The following NECTIN3 variants were observed in gnomAD, a reference collection of about 807,000 sequenced individuals.
NECTIN3 encodes nectin cell adhesion molecule 3, also known as nectin-3.
NECTIN3 carries 8 observed loss-of-function variants against 49.4 expected under a neutral mutation model. That is an observed-to-expected ratio of 0.16 (90% confidence interval 0.10 to 0.29). The LOEUF is 0.29. Among genes scored for constraint, NECTIN3 ranks in the 10% least tolerant of loss-of-function variants. The pLI is 1.00. For synonymous variants in NECTIN3, 277 were observed against 241.1 expected, an observed-to-expected ratio of 1.15 and a Z score of -1.38; for missense variants, 581 against 654.6, an observed-to-expected ratio of 0.89 and a Z score of 1.23.
intron 7 of NECTIN3, among the ~76,000 whole-genome samples, chr3:111,169,333 GC>G (rs1291572229): frequency 6.8e-6 from 1 of 146,300 alleles, no homozygotes; most frequent in Non-Finnish European, 1.5e-5. Context: ...CTCGTGATCT[GC>G]CCGTCTCAGC....
chr3:111,096,734 G>T (rs930124722), intron 1 of NECTIN3, among the ~76,000 whole-genome samples: 9 of 152,200 alleles, frequency 5.9e-5, no homozygotes, highest in Non-Finnish European at 1.3e-4. Context: ...GAAGCCCCAA[G>T]CCTTGGCAGC....
chr3:111,170,246 G>A (rs2035410372), intron 7 of NECTIN3, among the ~76,000 whole-genome samples: 1 of 152,142 alleles, frequency 6.6e-6, no homozygotes, highest in African/African-American at 2.4e-5. Context: ...TTAGGTTGGC[G>A]ATAAAAAGTT....
chr3:111,152,195 G>A (rs1181754879), intron 7 of NECTIN3, among the ~76,000 whole-genome samples: 1 of 151,754 alleles, frequency 6.6e-6, no homozygotes, highest in African/African-American at 2.4e-5. Flanking sequence ...GTAATGAATT[G>A]CCTGGTATAT....
At chr3:111,116,858 A>G (rs1318142688) in intron 2 of NECTIN3, among the ~76,000 whole-genome samples, 1 of 152,106 alleles carries the variant, frequency 6.6e-6, no homozygotes, top group East Asian at 1.9e-4. Context: ...CAGCTGGGTG[A>G]CAATATCAGC....
At chr3:111,120,851 A>T (rs1040765575) in intron 3 of NECTIN3, among the ~76,000 whole-genome samples, 4 of 152,016 alleles carry the variant, frequency 2.6e-5, no homozygotes, top group Non-Finnish European at 4.4e-5. Flanking sequence ...ATATTCTCTC[A>T]GCATCCTACT....
At chr3:111,147,740 A>T (rs969948815) in intron 7 of NECTIN3, among the ~76,000 whole-genome samples, 4 of 152,244 alleles carry the variant, frequency 2.6e-5, no homozygotes, top group African/African-American at 9.6e-5. Context: ...TGGCCAGTAT[A>T]GATAAGACAA....
intron 5 of NECTIN3, among the ~76,000 whole-genome samples, chr3:111,133,125 C>T (rs535193541): frequency 3.6e-4 from 55 of 151,744 alleles, no homozygotes; most frequent in Middle Eastern, 3.5e-3. Flanking sequence ...TTTAAAGATA[C>T]GCTCAGCTCT....
chr3:111,166,131 G>A (rs1421061498), intron 7 of NECTIN3, among the ~76,000 whole-genome samples: 3 of 152,178 alleles, frequency 2.0e-5, no homozygotes, highest in African/African-American at 7.2e-5. Context: ...CCAATTTAGA[G>A]TTGCAGTTTC....
intron 1 of NECTIN3, chr3:111,077,223 G>C (rs763603901): frequency 4.5e-6 from 2 of 442,890 alleles, no homozygotes; most frequent in Non-Finnish European, 9.1e-6. Flanking sequence ...CAAGACTATT[G>C]ACTGCCCACC....
chr3:111,156,383 T>TAA (rs1296259652), intron 7 of NECTIN3, among the ~76,000 whole-genome samples: 6 of 151,024 alleles, frequency 4.0e-5, no homozygotes, highest in Admixed American at 6.6e-5. Context: ...TTTAAATGTT[T>TAA]TTAAAGAGGC....
At chr3:111,101,176 A>G (rs776368014) in intron 1 of NECTIN3, among the ~76,000 whole-genome samples, 3 of 152,114 alleles carry the variant, frequency 2.0e-5, no homozygotes, top group Non-Finnish European at 4.4e-5. Flanking sequence ...ATATGAAGAA[A>G]TTGTGCTTTC....
intron 4 of NECTIN3, among the ~76,000 whole-genome samples, chr3:111,123,325 C>T (rs1165194138): frequency 6.6e-6 from 1 of 151,884 alleles, no homozygotes; most frequent in Non-Finnish European, 1.5e-5. Context: ...CCTCCAAGTT[C>T]TTTTATTTTT....
chr3:111,139,243 C>T (rs766640217), downstream of NECTIN3, among the ~76,000 whole-genome samples: 12 of 151,674 alleles, frequency 7.9e-5, no homozygotes, highest in Non-Finnish European at 1.6e-4. Context: ...AGTGAGCATT[C>T]AAATTTCTAA....
intron 1 of NECTIN3, among the ~76,000 whole-genome samples, chr3:111,076,558 A>G (rs918951591): frequency 1.3e-5 from 2 of 152,132 alleles, no homozygotes; most frequent in Non-Finnish European, 2.9e-5. Context: ...ATTACTTCAT[A>G]TATTTTTGTC....
chr3:111,145,673 T>A (rs2034856591), intron 6 of NECTIN3, among the ~76,000 whole-genome samples: 1 of 152,224 alleles, frequency 6.6e-6, no homozygotes, highest in Admixed American at 6.5e-5. Flanking sequence ...CTGAGAAATA[T>A]GAATAATGCT....
At chr3:111,072,684 C>T (rs2030870617) in intron 1 of NECTIN3, 1 of 1,105,314 alleles carries the variant, frequency 9.0e-7, no homozygotes, top group Non-Finnish European at 1.3e-6. Flanking sequence ...CGCAGAATCC[C>T]CTACAGCTAG....
At chr3:111,077,367 C>G (rs1384867822) in intron 1 of NECTIN3, 5 of 124,070 alleles carry the variant, frequency 4.0e-5, no homozygotes, top group South Asian at 3.4e-4. Context: ...AAAAAAAGAT[C>G]AAACTTGTTC....
chr3:111,097,730 C>T (rs971691785), intron 1 of NECTIN3, among the ~76,000 whole-genome samples: 3 of 152,170 alleles, frequency 2.0e-5, no homozygotes, highest in African/African-American at 7.2e-5. Flanking sequence ...TTTCTCCTTG[C>T]CTTCCTCCCT....
chr3:111,151,951 AAC>A (rs146582415), intron 7 of NECTIN3, among the ~76,000 whole-genome samples: 9 of 150,592 alleles, frequency 6.0e-5, no homozygotes, highest in Admixed American at 6.6e-5. Context: ...TAGACAAGAA[AAC>A]ACACACACAC....
Sources: gnomAD v4.1 joint callset for allele counts (sites outside exome capture counted in the v4.1 genomes callset) on GRCh38, gnomAD v4.1.1 for gene constraint, MANE v1.5 for transcripts, NCBI Gene and HGNC (gene_info 2026-07-23, HGNC 2026-07-21) for gene names.